Variants in MAMLD1 observed in about 807,000 individuals in gnomAD.
The protein encoded by MAMLD1 is mastermind like domain containing 1, also known as mastermind-like domain-containing protein 1.
MAMLD1 carries 14 observed loss-of-function variants against 45.0 expected under a neutral mutation model. The observed-to-expected ratio is 0.31, with a 90% CI of 0.21 to 0.49. MAMLD1 has a LOEUF of 0.49. Ranked by LOEUF, MAMLD1 falls within the 20% of genes least tolerant of loss-of-function variation. The pLI, the probability that MAMLD1 is intolerant of heterozygous loss-of-function variation, is 0.99. For synonymous variants in MAMLD1, 254 were observed against 247.8 expected (o/e 1.02, Z -0.24); for missense variants, 543 against 603.6 (o/e 0.90, Z 1.05).
At chrX:150,369,291 C>T (rs782657347) in intron 1 of MAMLD1, among the ~76,000 whole-genome samples, 1 of 111,772 alleles carries the variant, frequency 8.9e-6, no homozygotes, top group African/African-American at 3.3e-5. Context: ...CTCCCCCAAT[C>T]CCATGACCTC....
intron 3 of MAMLD1, among the ~76,000 whole-genome samples, chrX:150,463,217 T>C (rs1045892437): frequency 1.4e-4 from 16 of 112,326 alleles, no homozygotes; most frequent in African/African-American, 5.2e-4. Flanking sequence ...CTACTTCCTC[T>C]ATAGATCAAC....
intron 1 of MAMLD1, among the ~76,000 whole-genome samples, chrX:150,420,252 T>C (rs1363874679): frequency 1.6e-5 from 1 of 64,031 alleles, no homozygotes; most frequent in Non-Finnish European, 2.9e-5. Flanking sequence ...GCTTCTGCAT[T>C]CTTCACGTAG....
chrX:150,440,913 ATTAT>A (rs1359536096), intron 1 of MAMLD1, among the ~76,000 whole-genome samples: 4 of 104,430 alleles, frequency 3.8e-5, no homozygotes, highest in African/African-American at 1.4e-4. Flanking sequence ...AATTTAAAAT[ATTAT>A]TTATTAAATA....
chrX:150,375,087 C>T (rs2032241180), intron 1 of MAMLD1, among the ~76,000 whole-genome samples: 1 of 110,559 alleles, frequency 9.0e-6, no homozygotes, highest in Non-Finnish European at 1.9e-5. Context: ...TCAAATAAGA[C>T]TTCCACAACC....
At chrX:150,412,644 C>CT (rs2034151425) in intron 1 of MAMLD1, among the ~76,000 whole-genome samples, 1 of 110,957 alleles carries the variant, frequency 9.0e-6, no homozygotes, top group Admixed American at 9.6e-5. Context: ...CACGGCTACC[C>CT]TTTATTTCCT....
chrX:150,368,321 C>T (rs1437582798), intron 1 of MAMLD1, among the ~76,000 whole-genome samples: 1 of 111,198 alleles, frequency 9.0e-6, no homozygotes. Flanking sequence ...TGATGATGAG[C>T]ATTTTTTCAT....
Position 150,512,085 on chromosome X carries a change from C to T in MAMLD1, c.*126C>T, listed in dbSNP as rs147056898. ...AGCAAGCACTTGATGCCACCCAGAA[C>T]TGGGCTTCTTCAGAACAATCTGAGT... On this transcript the variant is annotated 3_prime_UTR_variant, in exon 8 of 8. Transcript: ENST00000370401. 4,943 of 1,147,637 alleles carry T rather than the reference C, an allele frequency of 4.3e-3. 10 individuals are homozygous for T. The highest frequency in any genetic ancestry group is 4.8e-3 in the Non-Finnish European group (4,170 of 868,877). The allele number at this position is 1,147,637 out of a possible 1,213,427, so 94.6% of individuals were successfully genotyped here. A position where few individuals can be genotyped will look rare whatever the true frequency, so the allele number is the denominator to read the frequency against.
chrX:150,471,883 G>A (rs191021338), intron 4 of MAMLD1, among the ~76,000 whole-genome samples: 346 of 112,457 alleles, frequency 3.1e-3, no homozygotes, highest in African/African-American at 0.011. Flanking sequence ...TATCCCTGCT[G>A]GCAGAAGGAC....
chrX:150,451,404 A>C (rs947734594), intron 2 of MAMLD1, among the ~76,000 whole-genome samples: 2 of 111,457 alleles, frequency 1.8e-5, no homozygotes, highest in African/African-American at 6.5e-5. Context: ...ATGCAGACCC[A>C]GGGGCCAGCC....
intron 1 of MAMLD1, among the ~76,000 whole-genome samples, chrX:150,412,696 T>G (rs1330328273): frequency 1.8e-5 from 2 of 108,659 alleles, no homozygotes; most frequent in East Asian, 5.8e-4. Flanking sequence ...GCCTTACGAG[T>G]TTTTGTTTGT....
chrX:150,370,689 C>A (rs1484996704), intron 1 of MAMLD1, among the ~76,000 whole-genome samples: 1 of 111,782 alleles, frequency 8.9e-6, no homozygotes, highest in East Asian at 2.8e-4. Context: ...TCCCTGCCTC[C>A]ACCCCCCCAG....
intron 2 of MAMLD1, among the ~76,000 whole-genome samples, chrX:150,460,933 C>T (rs1331101441): frequency 7.1e-5 from 8 of 112,370 alleles, no homozygotes; most frequent in African/African-American, 1.9e-4. Context: ...TCAGCATTAG[C>T]GAGAAGCCTG....
At chrX:150,507,426 C>T (rs192869147) in intron 6 of MAMLD1, among the ~76,000 whole-genome samples, 196 of 112,387 alleles carry the variant, frequency 1.7e-3, no homozygotes, top group African/African-American at 6.0e-3. Context: ...GAAGCAGCCT[C>T]CTCGGGAGGC....
Position 150,445,177 on chromosome X carries a change from C to T in MAMLD1, c.-63-277C>T, listed in dbSNP as rs183595725. Among the ~76,000 whole-genome samples the T allele has an allele frequency of 4.0e-3, 450 of 112,091 alleles. 2 individuals carry two copies. Among genetic ancestry groups the T allele is most frequent in the Non-Finnish European group, 6.2e-3 (330 of 53,200 alleles). ...CTTGTAGGCCCAGTGTTATTTTAGTCACATGAAGCTGCTCCTCCATCCACC... is the reference window on the plus strand; with the variant it reads ...CTTGTAGGCCCAGTGTTATTTTAGTTACATGAAGCTGCTCCTCCATCCACC... On this transcript the variant is annotated intron_variant, in intron 1 of 7. Transcript: ENST00000370401.
intron 1 of MAMLD1, among the ~76,000 whole-genome samples, chrX:150,424,972 G>A (rs2034654956): frequency 8.9e-6 from 1 of 111,919 alleles, no homozygotes; most frequent in Non-Finnish European, 1.9e-5. Context: ...TGGATATTTC[G>A]CATAAATTGA....
At chrX:150,460,798 A>G (rs1458683400) in intron 2 of MAMLD1, among the ~76,000 whole-genome samples, 1 of 111,955 alleles carries the variant, frequency 8.9e-6, no homozygotes, top group Non-Finnish European at 1.9e-5. Context: ...GTGGCTCCTT[A>G]TTGCCCCAGC....
intron 1 of MAMLD1, among the ~76,000 whole-genome samples, chrX:150,410,646 T>C (rs1231617047): frequency 1.8e-5 from 2 of 112,707 alleles, no homozygotes; most frequent in African/African-American, 6.4e-5. Flanking sequence ...ACAACTGTTC[T>C]AAGCATATTA....
chrX:150,455,652 C>G (rs1397644336), intron 2 of MAMLD1, among the ~76,000 whole-genome samples: 1 of 111,733 alleles, frequency 8.9e-6, no homozygotes, highest in African/African-American at 3.3e-5. Flanking sequence ...AAGGTGACCA[C>G]CAATTAGAGA....
intron 5 of MAMLD1, among the ~76,000 whole-genome samples, chrX:150,497,521 G>A (rs1310369456): frequency 2.7e-5 from 3 of 109,490 alleles, no homozygotes; most frequent in Non-Finnish European, 5.7e-5. Flanking sequence ...CTGTCTTCAG[G>A]TGATCCACCC....
Sources: allele counts gnomAD v4.1 joint callset (sites outside exome capture counted in the v4.1 genomes callset), GRCh38; gene constraint gnomAD v4.1.1; transcripts MANE v1.5; gene names NCBI Gene and HGNC (gene_info 2026-07-23, HGNC 2026-07-21).